Variants in DAB1 observed in about 807,000 individuals in gnomAD.
DAB1 encodes disabled homolog 1.
Under a neutral mutation model 64.6 loss-of-function variants are expected in DAB1, and 15 were observed. The observed-to-expected ratio is 0.23, with a 90% CI of 0.16 to 0.36. DAB1 has a LOEUF of 0.36. Among genes scored for constraint, DAB1 ranks in the 10% least tolerant of loss-of-function variants. The pLI is 1.00. For synonymous variants in DAB1, 235 were observed against 251.9 expected, an observed-to-expected ratio of 0.93 and a Z score of 0.64; for missense variants, 596 against 706.7, an observed-to-expected ratio of 0.84 and a Z score of 1.78.
At chr1:58,237,045 T>TCAGTAA (rs1553169490) in intron 4 of DAB1, among the ~76,000 whole-genome samples, 1 of 151,746 alleles carries the variant, frequency 6.6e-6, no homozygotes. Flanking sequence ...TTCCACAAAA[T>TCAGTAA]AAAAAATGCT....
intron 4 of DAB1, among the ~76,000 whole-genome samples, chr1:58,198,205 C>T (rs1015922970): frequency 5.3e-5 from 8 of 152,210 alleles, no homozygotes; most frequent in Non-Finnish European, 1.5e-5. Flanking sequence ...CCTTGAGGAA[C>T]TCAAAGCCAC....
chr1:57,113,435 G>A (rs141243189), intron 4 of DAB1, among the ~76,000 whole-genome samples: 120 of 152,196 alleles, frequency 7.9e-4, no homozygotes, highest in African/African-American at 2.6e-3. Flanking sequence ...CTAGATTAGG[G>A]GTTGGCAGAC....
rs550682326 is a variant in DAB1 at position 57,617,085 on chromosome 1, T to C, written n.625+32507A>G. Among the ~76,000 whole-genome samples, 14 of 152,290 alleles carry C rather than the reference T, an allele frequency of 9.2e-5. 1 individual carries two copies. The South Asian group carries it at 2.5e-3, about 27-fold the overall frequency. ...CCGTCATTCTGTCACTCTGTGTCAG[T>C]AGTGGACATTCTTGGTACCCTGCCC... On this transcript the variant is annotated intron_variant and non_coding_transcript_variant, in intron 7 of 20. Transcript: ENST00000485760.
intron 4 of DAB1, among the ~76,000 whole-genome samples, chr1:57,073,794 CA>C (rs1268564408): frequency 6.6e-6 from 1 of 152,168 alleles, no homozygotes; most frequent in Non-Finnish European, 1.5e-5. Flanking sequence ...TTCAAAATCT[CA>C]AAAAACTAAA....
intron 12 of DAB1, 96 bp from the exon 13 acceptor site, chr1:57,011,368 A>C: frequency 7.2e-7 from 1 of 1,386,592 alleles, no homozygotes; most frequent in Non-Finnish European, 9.9e-7. Context: ...ATTGAAGTCA[A>C]ATCTTAGGAT....
At chr1:57,369,209 G>T (rs1230252072) in intron 1 of DAB1, among the ~76,000 whole-genome samples, 1 of 152,186 alleles carries the variant, frequency 6.6e-6, no homozygotes, top group Non-Finnish European at 1.5e-5. Flanking sequence ...TGGATGCTGT[G>T]AGGATTCATC....
At chr1:58,165,053 A>G (rs1294758553) in intron 4 of DAB1, among the ~76,000 whole-genome samples, 7 of 152,192 alleles carry the variant, frequency 4.6e-5, no homozygotes, top group African/African-American at 1.7e-4. Flanking sequence ...TCCACATGGA[A>G]ACAAAATGAG....
intron 6 of DAB1, among the ~76,000 whole-genome samples, chr1:57,669,091 C>T (rs909562727): frequency 3.9e-5 from 6 of 151,994 alleles, no homozygotes; most frequent in Middle Eastern, 3.2e-3. Context: ...ATCCTGGGGA[C>T]CACAGGAGGT....
At chr1:57,072,678 C>T (rs1036842919) in intron 4 of DAB1, among the ~76,000 whole-genome samples, 5 of 152,176 alleles carry the variant, frequency 3.3e-5, no homozygotes, top group African/African-American at 1.2e-4. Context: ...ATTCAGCTTG[C>T]TAGAGCCAGC....
intron 4 of DAB1, among the ~76,000 whole-genome samples, chr1:57,119,182 C>G (rs1230804251): frequency 6.6e-6 from 1 of 152,190 alleles, no homozygotes; most frequent in Admixed American, 6.6e-5. Context: ...TGACTTCTTC[C>G]AGCACCAAAA....
chr1:57,465,093 T>C (rs1490787505), intron 7 of DAB1, among the ~76,000 whole-genome samples: 1 of 152,170 alleles, frequency 6.6e-6, no homozygotes, highest in Non-Finnish European at 1.5e-5. Flanking sequence ...AACATACAGA[T>C]AGGCTTCCTG....
At chr1:58,460,997 C>A (rs1645238244) in intron 3 of DAB1, among the ~76,000 whole-genome samples, 1 of 152,160 alleles carries the variant, frequency 6.6e-6, no homozygotes, top group South Asian at 2.1e-4. Flanking sequence ...AGTAGAGTTA[C>A]AGATTATATT....
intron 5 of DAB1, among the ~76,000 whole-genome samples, chr1:57,956,935 A>C (rs974464941): frequency 5.3e-5 from 8 of 152,222 alleles, no homozygotes; most frequent in African/African-American, 1.9e-4. Context: ...CCTCAGAAAA[A>C]CCTTGGATCT....
chr1:58,454,616 C>T (rs1453705276), intron 3 of DAB1, among the ~76,000 whole-genome samples: 1 of 152,138 alleles, frequency 6.6e-6, no homozygotes, highest in Non-Finnish European at 1.5e-5. Flanking sequence ...CACCTCCTTG[C>T]TTTCTAAGTA....
chr1:57,665,849 CTG>C (rs397862533), intron 6 of DAB1, among the ~76,000 whole-genome samples: 23,999 of 136,784 alleles, frequency 0.18, 2,312 homozygotes, highest in East Asian at 0.49. Context: ...TTTTAATTAT[CTG>C]TGTGTGTGTG....
In DAB1 at chr1:57,809,601, CTG is replaced by C. The variant is rs377022243; in HGVS notation, n.551+74396_551+74397del. 3.1e-3 allele frequency among the ~76,000 whole-genome samples: 472 copies of C among 152,288 alleles called. 4 individuals carry two copies. The highest frequency in any genetic ancestry group is 0.01 in the African/African-American group (428 of 41,552). The stretch of plus-strand genomic sequence containing the variant: ...TAATCCGAGAAACCTGTCATTTAAA[CTG>C]TTTCTCATTATTGCTCCTAATGAAA... On this transcript the variant is annotated intron_variant and non_coding_transcript_variant, in intron 6 of 20. Transcript: ENST00000485760.
intron 6 of DAB1, among the ~76,000 whole-genome samples, chr1:57,760,202 T>A (rs1279402871): frequency 1.3e-5 from 2 of 152,118 alleles, no homozygotes; most frequent in African/African-American, 4.8e-5. Context: ...AGGAACAACA[T>A]GGCTTTGAAT....
intron 5 of DAB1, among the ~76,000 whole-genome samples, chr1:58,120,833 T>G (rs12040062): frequency 0.28 from 42,637 of 152,084 alleles, 6,519 homozygotes; most frequent in East Asian, 0.43. Context: ...AGGGTACTTT[T>G]CAGTTACCTT....
chr1:57,263,837 A>G (rs1670382600), intron 2 of DAB1, among the ~76,000 whole-genome samples: 1 of 152,334 alleles, frequency 6.6e-6, no homozygotes, highest in African/African-American at 2.4e-5. Context: ...ATTGGGACTA[A>G]AAATGGTTAG....
Sources: gnomAD v4.1 joint callset for allele counts (sites outside exome capture counted in the v4.1 genomes callset) on GRCh38, gnomAD v4.1.1 for gene constraint, MANE v1.5 for transcripts, NCBI Gene and HGNC (gene_info 2026-07-23, HGNC 2026-07-21) for gene names.